NSUN6: variants seen among roughly 807,000 people sequenced by gnomAD.
The protein encoded by NSUN6 is tRNA (cytosine(72)-C(5))-methyltransferase NSUN6.
In NSUN6, 64 loss-of-function variants were observed where a neutral mutation model predicts 58.0. The ratio of observed to expected loss-of-function variants is 1.10; its 90% confidence interval spans 0.90 to 1.36. The LOEUF is 1.36. NSUN6 is among the 40% of genes most tolerant of loss of function. The pLI, the probability that NSUN6 is intolerant of heterozygous loss-of-function variation, is 0.00. For synonymous variants in NSUN6, 231 were observed against 193.9 expected, an observed-to-expected ratio of 1.19 and a Z score of -1.59; for missense variants, 701 against 550.1, an observed-to-expected ratio of 1.27 and a Z score of -2.74.
intron 7 of NSUN6, 34 bp downstream of exon 7, chr10:18,596,174 T>C: frequency 6.4e-7 from 1 of 1,574,238 alleles, no homozygotes; most frequent in Non-Finnish European, 8.7e-7. Flanking sequence ...TATACACTAC[T>C]TTGAGAGTGG....
chr10:18,562,434 C>T (rs1023413828), intron 8 of NSUN6, among the ~76,000 whole-genome samples: 9 of 130,770 alleles, frequency 6.9e-5, no homozygotes, highest in Admixed American at 1.5e-4. Context: ...GAATGGAATG[C>T]GGAATGGAAT....
upstream of NSUN6, chr10:18,654,612 G>C (rs1033951946): frequency 2.0e-5 from 3 of 152,310 alleles, no homozygotes; most frequent in African/African-American, 7.2e-5. Flanking sequence ...GCCTGGCGCA[G>C]TGGCTCATGC....
chr10:18,578,586 C>T (rs1457690525), intron 8 of NSUN6, among the ~76,000 whole-genome samples: 1 of 152,132 alleles, frequency 6.6e-6, no homozygotes, highest in Non-Finnish European at 1.5e-5. Context: ...AGCCCCCCAA[C>T]ATCAATTCAA....
chr10:18,592,101 G>A (rs2057399300), intron 7 of NSUN6, among the ~76,000 whole-genome samples: 1 of 152,074 alleles, frequency 6.6e-6, no homozygotes, highest in South Asian at 2.1e-4. Context: ...GCCAAATCAT[G>A]AGTGAACTCC....
At chr10:18,611,738 G>A (rs1294022439) in intron 5 of NSUN6, among the ~76,000 whole-genome samples, 2 of 151,684 alleles carry the variant, frequency 1.3e-5, no homozygotes, top group South Asian at 2.1e-4. Flanking sequence ...GTGTGTGTGT[G>A]TGTGTGTGTG....
chr10:18,588,649 G>A (rs1030593720), intron 7 of NSUN6, among the ~76,000 whole-genome samples: 1 of 152,170 alleles, frequency 6.6e-6, no homozygotes, highest in Admixed American at 6.5e-5. Flanking sequence ...GTCTGGGGTG[G>A]ACCTCCAGCA....
At chr10:18,609,978 A>G in intron 5 of NSUN6, 52 bp from the exon 6 acceptor site, 1 of 1,075,920 alleles carries the variant, frequency 9.3e-7, no homozygotes, top group Non-Finnish European at 1.4e-6. Context: ...TGGTCTATAC[A>G]AACTATGTTT....
chr10:18,555,125 G>A (rs969909220), intron 8 of NSUN6, among the ~76,000 whole-genome samples: 1 of 149,556 alleles, frequency 6.7e-6, no homozygotes, highest in African/African-American at 2.5e-5. Flanking sequence ...GAAAGGAAAT[G>A]GAGAATGTAA....
intron 8 of NSUN6, among the ~76,000 whole-genome samples, chr10:18,562,033 G>A (rs1304646327): frequency 2.0e-5 from 3 of 150,114 alleles, no homozygotes; most frequent in East Asian, 3.9e-4. Flanking sequence ...AATGGAATGC[G>A]GAATGGAATG....
chr10:18,613,269 G>C (rs1472903092), intron 5 of NSUN6, among the ~76,000 whole-genome samples: 1 of 151,956 alleles, frequency 6.6e-6, no homozygotes, highest in African/African-American at 2.4e-5. Context: ...GCTTATTTCT[G>C]TATTTTTAGT....
chr10:18,626,269 G>A (rs2058800808), intron 3 of NSUN6, among the ~76,000 whole-genome samples: 1 of 151,348 alleles, frequency 6.6e-6, no homozygotes, highest in Non-Finnish European at 1.5e-5. Context: ...GCCAGGCATG[G>A]TGGCTCCTGC....
intron 3 of NSUN6, 119 bp from the exon 4 acceptor site, chr10:18,616,412 A>G: frequency 1.8e-6 from 1 of 559,050 alleles, no homozygotes; most frequent in Non-Finnish European, 3.1e-6. Flanking sequence ...AATACATAAG[A>G]AAACGCTGAA....
chr10:18,557,781 A>G (rs970001887), intron 8 of NSUN6, among the ~76,000 whole-genome samples: 2 of 151,552 alleles, frequency 1.3e-5, no homozygotes, highest in African/African-American at 2.4e-5. Context: ...ATGGAACAGA[A>G]TGGAATGGAT....
At chr10:18,641,716 C>T (rs1191093578) in intron 3 of NSUN6, among the ~76,000 whole-genome samples, 4 of 152,070 alleles carry the variant, frequency 2.6e-5, no homozygotes, top group East Asian at 1.9e-4. Flanking sequence ...TTTCCAAATA[C>T]GTAAACGCGC....
At chr10:18,650,372 T>C (rs2059668577) in intron 1 of NSUN6, among the ~76,000 whole-genome samples, 1 of 152,198 alleles carries the variant, frequency 6.6e-6, no homozygotes, top group South Asian at 2.1e-4. Context: ...CAAATAAAAT[T>C]AACATTTTTT....
At chr10:18,658,300 A>G (rs1452775693), upstream of NSUN6, 1 of 152,212 alleles carries the variant, frequency 6.6e-6, no homozygotes, top group African/African-American at 2.4e-5. Context: ...GGAGGACGTA[A>G]GTCATACATT....
intron 6 of NSUN6, among the ~76,000 whole-genome samples, chr10:18,596,805 T>C (rs2057605034): frequency 6.6e-6 from 1 of 152,126 alleles, no homozygotes; most frequent in Admixed American, 6.5e-5. Flanking sequence ...CATATAGACA[T>C]ATCATCTGAG....
chr10:18,585,910 GATCT>G, intron 8 of NSUN6, 35 bp downstream of exon 8: 2 of 1,470,818 alleles, frequency 1.4e-6, no homozygotes, highest in Non-Finnish European at 1.9e-6. Flanking sequence ...ACAAATATAT[GATCT>G]GTCAATTAAA....
intron 5 of NSUN6, among the ~76,000 whole-genome samples, chr10:18,613,971 C>T (rs2058324028): frequency 6.6e-6 from 1 of 152,068 alleles, no homozygotes; most frequent in Admixed American, 6.6e-5. Flanking sequence ...TTAGAACAGA[C>T]TATATTTTAA....
Sources: allele counts gnomAD v4.1 joint callset (sites outside exome capture counted in the v4.1 genomes callset), GRCh38; gene constraint gnomAD v4.1.1; transcripts MANE v1.5; gene names NCBI Gene and HGNC (gene_info 2026-07-23, HGNC 2026-07-21).